Variants in HDGFL3 observed in about 807,000 individuals in gnomAD.
The protein encoded by HDGFL3 is HDGF like 3, also known as hepatoma-derived growth factor-related protein 3.
In HDGFL3, 6 loss-of-function variants were observed where a neutral mutation model predicts 27.6. That is an observed-to-expected ratio of 0.22 (90% CI 0.12 to 0.43). The LOEUF (loss-of-function observed/expected upper bound fraction) is 0.43. HDGFL3 is among the 20% of genes least tolerant of loss of function. HDGFL3 has a pLI of 1.00. For synonymous variants in HDGFL3, 88 were observed against 88.9 expected (o/e 0.99, Z 0.05); for missense variants, 207 against 250.1 (o/e 0.83, Z 1.16).
chr15:83,151,137 A>G (rs1192085899), intron 5 of HDGFL3, 78 bp downstream of exon 5: 14 of 1,307,360 alleles, frequency 1.1e-5, no homozygotes, highest in Non-Finnish European at 1.5e-5. Flanking sequence ...ATGTTTACTA[A>G]TGCTGACATA....
At chr15:83,142,750 C>T (rs2036803003) in intron 5 of HDGFL3, among the ~76,000 whole-genome samples, 1 of 151,892 alleles carries the variant, frequency 6.6e-6, no homozygotes, top group African/African-American at 2.4e-5. Flanking sequence ...TACCTTCAAC[C>T]ACAATTACAT....
intron 2 of HDGFL3, chr15:83,163,737 G>A (rs565591049): frequency 9.9e-6 from 4 of 403,550 alleles, no homozygotes; most frequent in Non-Finnish European, 1.8e-5. Context: ...GGACTTAAAA[G>A]TGTCCTAGAG....
At chr15:83,161,495 T>C (rs907573991) in intron 2 of HDGFL3, among the ~76,000 whole-genome samples, 41 of 152,242 alleles carry the variant, frequency 2.7e-4, no homozygotes, top group African/African-American at 9.4e-4. Context: ...GAGTCAGGGC[T>C]AATGGTCATT....
At chr15:83,192,606 A>ATTT (rs1032587218) in intron 1 of HDGFL3, among the ~76,000 whole-genome samples, 1 of 152,312 alleles carries the variant, frequency 6.6e-6, no homozygotes, top group African/African-American at 2.4e-5. Flanking sequence ...AAAAGACAGC[A>ATTT]TTTTTTGGAT....
intron 1 of HDGFL3, among the ~76,000 whole-genome samples, chr15:83,168,427 GAGA>G (rs983222274): frequency 2.6e-5 from 4 of 152,140 alleles, no homozygotes; most frequent in Non-Finnish European, 4.4e-5. Flanking sequence ...ACAAAGAAAA[GAGA>G]AGATCCAAAT....
intron 3 of HDGFL3, chr15:83,122,655 C>T: frequency 7.4e-7 from 1 of 1,342,904 alleles, no homozygotes; most frequent in South Asian, 1.4e-5. Context: ...TTGTCTGGCC[C>T]ATAGCAAAAT....
chr15:83,190,585 C>A (rs779081609), intron 1 of HDGFL3, among the ~76,000 whole-genome samples: 3 of 152,056 alleles, frequency 2.0e-5, no homozygotes, highest in Non-Finnish European at 4.4e-5. Flanking sequence ...TGTATTTTTT[C>A]TATGAAATGG....
chr15:83,172,375 G>A (rs528308508), intron 1 of HDGFL3, among the ~76,000 whole-genome samples: 1 of 152,096 alleles, frequency 6.6e-6, no homozygotes, highest in East Asian at 1.9e-4. Flanking sequence ...ACAGGGATTG[G>A]GGCACTCACC....
chr15:83,127,294 A>T, downstream of HDGFL3: 1 of 1,467,672 alleles, frequency 6.8e-7, no homozygotes, highest in Admixed American at 2.5e-5. Flanking sequence ...ACTTTTTTGT[A>T]CTTTTTAGTC....
chr15:83,167,147 C>CCCATAAGCT (rs1007958406), intron 1 of HDGFL3, among the ~76,000 whole-genome samples: 1 of 152,138 alleles, frequency 6.6e-6, no homozygotes, highest in Non-Finnish European at 1.5e-5. Flanking sequence ...TGTAACGACA[C>CCCATAAGCT]CCATAAGCTC....
intron 5 of HDGFL3, chr15:83,144,524 A>C (rs781515146): frequency 2.2e-6 from 1 of 456,050 alleles, no homozygotes; most frequent in South Asian, 1.5e-5. Flanking sequence ...TGATGAAGCC[A>C]GCTGCCATGC....
chr15:83,182,630 G>A (rs1299038721), intron 1 of HDGFL3, among the ~76,000 whole-genome samples: 1 of 152,162 alleles, frequency 6.6e-6, no homozygotes, highest in Non-Finnish European at 1.5e-5. Flanking sequence ...ATCTGAGTAT[G>A]ATTACCTCTG....
Position 83,139,256 on chromosome 15 carries a change from A to T in HDGFL3, c.*14T>A. ...CTTGTGGTTTCTCTTAATATGCAGC[A>T]TTCATTATGGTAGTTAGGTCTGTAA... On this transcript the variant is annotated 3_prime_UTR_variant, in exon 6 of 6. Coordinates refer to ENST00000299633, the MANE Select transcript of HDGFL3 (RefSeq NM_016073.4). 1 of 1,442,066 alleles carries T rather than the reference A, an allele frequency of 6.9e-7. No individual in the cohort carries two copies. The highest frequency in any genetic ancestry group is 9.3e-7 in the Non-Finnish European group (1 of 1,077,914). The allele number at this position is 1,442,066 out of a possible 1,614,324, so 89.3% of individuals were successfully genotyped here. A position where few individuals can be genotyped will look rare whatever the true frequency, so the allele number is the denominator to read the frequency against.
chr15:83,124,852 T>C (rs1319065300), downstream of HDGFL3: 5 of 1,304,104 alleles, frequency 3.8e-6, no homozygotes, highest in Admixed American at 5.4e-5. Context: ...CTTAGAAATA[T>C]GTTTTTGTTT....
chr15:83,196,908 T>G (rs1332633779), intron 1 of HDGFL3, among the ~76,000 whole-genome samples: 1 of 152,216 alleles, frequency 6.6e-6, no homozygotes, highest in African/African-American at 2.4e-5. Context: ...GGGGAAAGGC[T>G]GGAAGAGAAT....
At chr15:83,193,066 T>C (rs1474054494) in intron 1 of HDGFL3, among the ~76,000 whole-genome samples, 3 of 150,990 alleles carry the variant, frequency 2.0e-5, no homozygotes, top group Non-Finnish European at 4.4e-5. Context: ...CTCACTGTCA[T>C]GGGACATCTC....
intron 1 of HDGFL3, among the ~76,000 whole-genome samples, chr15:83,182,724 A>G (rs933514536): frequency 6.6e-6 from 1 of 152,224 alleles, no homozygotes; most frequent in Admixed American, 6.5e-5. Flanking sequence ...CTTAAGATCT[A>G]TGCATTCACT....
chr15:83,128,941 C>T lies in HDGFL3; in HGVS notation c.*10329G>A, dbSNP rs1228492201. The stretch of plus-strand genomic sequence containing the variant: ...GGACTCCTAGGCTCAAGCAATCCTC[C>T]TGCCTCTGTCTCCAGAGTAGCTGGG... On this transcript the variant is annotated 3_prime_UTR_variant, in exon 6 of 6. Coordinates refer to ENST00000299633, the MANE Select transcript of HDGFL3 (RefSeq NM_016073.4). The T allele has an allele frequency of 1.3e-5, 2 of 152,326 alleles. No individual in the cohort carries two copies. The highest frequency in any genetic ancestry group is 2.9e-5 in the Non-Finnish European group (2 of 68,134). 9.4% of individuals were successfully genotyped at this position (152,326 alleles called of 1,614,324 possible).
At chr15:83,170,244 G>C (rs1052840869) in intron 1 of HDGFL3, among the ~76,000 whole-genome samples, 1 of 152,050 alleles carries the variant, frequency 6.6e-6, no homozygotes, top group East Asian at 1.9e-4. Flanking sequence ...GAACCAAAAA[G>C]GAACCTGAAT....
Sources: allele counts gnomAD v4.1 joint callset (sites outside exome capture counted in the v4.1 genomes callset), GRCh38; gene constraint gnomAD v4.1.1; transcripts MANE v1.5; gene names NCBI Gene and HGNC (gene_info 2026-07-23, HGNC 2026-07-21).